SEMA4F: variants seen among roughly 807,000 people sequenced by gnomAD.
The protein encoded by SEMA4F is semaphorin-4F.
Under a neutral mutation model 78.4 loss-of-function variants are expected in SEMA4F, and 51 were observed. The ratio of observed to expected loss-of-function variants is 0.65; its 90% CI spans 0.52 to 0.82. The LOEUF is 0.82. Among genes scored for constraint, SEMA4F ranks in the 40% least tolerant of loss-of-function variants. The probability of loss-of-function intolerance (pLI) is 0.00; values close to 1 mark genes in which losing one functional copy is unlikely to be tolerated. For synonymous variants in SEMA4F, 418 were observed against 408.7 expected, an observed-to-expected ratio of 1.02 and a Z score of -0.27; for missense variants, 938 against 1,014.4, an observed-to-expected ratio of 0.92 and a Z score of 1.02.
At chr2:74,656,170 G>C (rs1316532055) in intron 1 of SEMA4F, among the ~76,000 whole-genome samples, 2 of 147,390 alleles carry the variant, frequency 1.4e-5, no homozygotes, top group Non-Finnish European at 3.1e-5. Flanking sequence ...CACCTTGCCT[G>C]GCTAATTTTT....
intron 5 of SEMA4F, among the ~76,000 whole-genome samples, chr2:74,665,019 A>T (rs187455561): frequency 6.6e-6 from 1 of 152,268 alleles, no homozygotes; most frequent in East Asian, 1.9e-4. Flanking sequence ...CAGTTGACTC[A>T]GCATCATTGA....
Position 74,654,495 on chromosome 2 carries a change from T to A in SEMA4F, c.119T>A (p.Val40Glu), listed in dbSNP as rs772405074. Reference protein sequence around the residue: ...GPVSGRVPRSVPRTSLPISEA... With the variant: ...GPVSGRVPRSEPRTSLPISEA... ...GTATCCGGCCGCGTCCCCCGCTCGG[T>A]GCCCAGAACCTCGCTTCCAATCTCT... The change falls in exon 1 of 14, where the codon GTG becomes GAG. Residue 40 changes from valine (V) to glutamate (E), a missense_variant. Physicochemically the swap from Val to Glu is moderately radical, Grantham distance 121. Transcript: ENST00000357877. 1 of 1,564,618 alleles carries A rather than the reference T, an allele frequency of 6.4e-7. No homozygotes were observed.
intron 5 of SEMA4F, among the ~76,000 whole-genome samples, chr2:74,671,917 T>G (rs192703802): frequency 5.2e-4 from 79 of 152,344 alleles, no homozygotes; most frequent in African/African-American, 1.8e-3. Flanking sequence ...TGTTAATGGA[T>G]TCTACCTCAG....
At chr2:74,668,805 T>C (rs1190226095) in intron 5 of SEMA4F, among the ~76,000 whole-genome samples, 1 of 151,674 alleles carries the variant, frequency 6.6e-6, no homozygotes, top group Non-Finnish European at 1.5e-5. Context: ...AATTTTTATA[T>C]TTTTAGCAGA....
At chr2:74,656,160 C>T (rs1408311556) in intron 1 of SEMA4F, among the ~76,000 whole-genome samples, 1 of 151,844 alleles carries the variant, frequency 6.6e-6, no homozygotes, top group African/African-American at 2.4e-5. Flanking sequence ...AGGTGCGCGC[C>T]ACCTTGCCTG....
the SEMA4F span, among the ~76,000 whole-genome samples, chr2:74,709,345 T>TG: frequency 1.4e-4 from 21 of 152,324 alleles, 1 homozygote; most frequent in East Asian, 4.0e-3. Context: ...TGAAAAGAAC[T>TG]GTCAGCCCAG....
the SEMA4F span, among the ~76,000 whole-genome samples, chr2:74,709,056 T>C: frequency 6.6e-6 from 1 of 152,228 alleles, no homozygotes; most frequent in Non-Finnish European, 1.5e-5. Context: ...CCCAGCTAAC[T>C]CAGGAGGATG....
At chr2:74,669,449 TG>T (rs566510165) in intron 5 of SEMA4F, among the ~76,000 whole-genome samples, 1 of 148,678 alleles carries the variant, frequency 6.7e-6, no homozygotes, top group Non-Finnish European at 1.5e-5. Flanking sequence ...CTGGGTGTGG[TG>T]GGGGGGTGCC....
chr2:74,674,603 C>G lies in SEMA4F; in HGVS notation c.928C>G (p.Gln310Glu), dbSNP rs777065049. The G allele has an allele frequency of 1.2e-6, 2 of 1,614,016 alleles. No individual in the cohort carries two copies. The highest frequency in any genetic ancestry group is 2.7e-5 in the African/African-American group (2 of 74,914). ...GCATGGCCGGGCCTCCAGTGTCCTGCAGGATGTTGCTGTGCTTCGACCTGA... is the reference window on the plus strand; with the variant it reads ...GCATGGCCGGGCCTCCAGTGTCCTGGAGGATGTTGCTGTGCTTCGACCTGA... ...PEHGRASSVL[Q>E]DVAVLRPELG... Residue 310 changes from glutamine (Q) to glutamate (E), a missense_variant, in exon 8 of 14, where the codon CAG (glutamine) becomes GAG (glutamate). Transcript: ENST00000357877.
At position 74,658,239 on chromosome 2, in the gene SEMA4F, G is replaced by T. The variant is rs1332336901; in HGVS notation, c.456+288G>T. 6.6e-6 allele frequency among the ~76,000 whole-genome samples: 1 copy of T among 152,170 alleles called. No homozygotes were observed. The highest frequency in any genetic ancestry group is 1.9e-4 in the East Asian group (1 of 5,196). ...TAAGGAAGTTAGGGATGCTGGTTGG[G>T]CTGGGGAAACAACAAATCCAGGGAG... On this transcript the variant is annotated intron_variant, in intron 4 of 13. Transcript: ENST00000357877. The surrounding 1 kb of genome is among the most constrained non-coding windows in gnomAD (Gnocchi z 4.3).
chr2:74,697,127 G>A, the SEMA4F span, among the ~76,000 whole-genome samples: 1 of 152,232 alleles, frequency 6.6e-6, no homozygotes, highest in East Asian at 1.9e-4. Flanking sequence ...AAGTGTGCCT[G>A]TCTACCCACA....
chr2:74,673,357 T>C, intron 5 of SEMA4F, 100 bp from the exon 6 acceptor site: 1 of 1,446,192 alleles, frequency 6.9e-7, no homozygotes. Context: ...GTTTAGTCCC[T>C]GAGAGTCGCT....
intron 4 of SEMA4F, among the ~76,000 whole-genome samples, chr2:74,659,320 T>G (rs761836334): frequency 1.3e-5 from 2 of 152,212 alleles, no homozygotes; most frequent in Admixed American, 6.5e-5. Flanking sequence ...GACAGTGTGA[T>G]TGTTCTAAGT....
intron 5 of SEMA4F, among the ~76,000 whole-genome samples, chr2:74,671,726 T>C (rs914904193): frequency 6.6e-6 from 1 of 152,218 alleles, no homozygotes; most frequent in African/African-American, 2.4e-5. Context: ...CCTTAGGATG[T>C]GCAACAAGTG....
intron 5 of SEMA4F, among the ~76,000 whole-genome samples, chr2:74,670,609 G>A (rs183155760): frequency 9.3e-4 from 142 of 152,244 alleles, no homozygotes; most frequent in Non-Finnish European, 1.6e-3. Flanking sequence ...CCAACCCTAC[G>A]TACCAAGTCA....
chr2:74,655,424 T>C lies in SEMA4F; in HGVS notation c.145+903T>C, dbSNP rs1684078524. ...CATGGCCGTGGACCTTGTTGTCTTC[T>C]CAGTGGGCATTGAGTGTTATTAGCA... On this transcript the variant is annotated intron_variant, in intron 1 of 13. Transcript: ENST00000357877. 1.3e-5 allele frequency: 3 copies of C among 227,432 alleles called. No homozygotes were observed. The South Asian group carries it at 1.8e-4, about 14-fold the overall frequency. The allele number at this position is 227,432 out of a possible 1,614,324, so 14.1% of individuals were successfully genotyped here. A position where few individuals can be genotyped will look rare whatever the true frequency, so the allele number is the denominator to read the frequency against.
chr2:74,684,996 T>C (rs1387569629), downstream of SEMA4F, among the ~76,000 whole-genome samples: 2 of 152,214 alleles, frequency 1.3e-5, no homozygotes, highest in Non-Finnish European at 2.9e-5. Flanking sequence ...CCAAAAATTA[T>C]GGCCTCAGAC....
At position 74,654,364 on chromosome 2, in the gene SEMA4F, G is replaced by A. The variant is rs1398461541; in HGVS notation, c.-13G>A. 4 of 1,485,544 alleles carry A rather than the reference G, an allele frequency of 2.7e-6. No individual in the cohort carries two copies. The highest frequency in any genetic ancestry group is 3.6e-6 in the Non-Finnish European group (4 of 1,125,576). 92.0% of individuals were successfully genotyped at this position (1,485,544 alleles called of 1,614,324 possible). On this transcript the variant is annotated 5_prime_UTR_variant, in exon 1 of 14. Coordinates refer to ENST00000357877, the MANE Select transcript of SEMA4F (RefSeq NM_004263.5). ...GTAGCTTGCGCCGCACCCGCGGCCA[G>A]GCGGAGCCAAAGATGCCGGCCTCTG...
At chr2:74,706,982 A>T in the SEMA4F span, among the ~76,000 whole-genome samples, 2 of 152,188 alleles carry the variant, frequency 1.3e-5, no homozygotes, top group Admixed American at 1.3e-4. Flanking sequence ...GCTACCTGGA[A>T]GCAGAACAAG....
Sources: allele counts gnomAD v4.1 joint callset (sites outside exome capture counted in the v4.1 genomes callset), GRCh38; gene constraint gnomAD v4.1.1; non-coding constraint Gnocchi (gnomAD v3.1); transcripts MANE v1.5; gene names NCBI Gene and HGNC (gene_info 2026-07-23, HGNC 2026-07-21).